LRTM2: variants seen among roughly 807,000 people sequenced by gnomAD.
LRTM2 encodes the protein leucine rich repeat transmembrane protein 2.
Under a neutral mutation model 28.1 loss-of-function variants are expected in LRTM2, and 18 were observed. The observed-to-expected ratio is 0.64, with a 90% confidence interval of 0.44 to 0.95. The LOEUF (loss-of-function observed/expected upper bound fraction) is 0.95, where lower values mean the gene tolerates loss of function less well. LRTM2 is among the 40% of genes least tolerant of loss of function. The pLI, the probability that LRTM2 is intolerant of heterozygous loss-of-function variation, is 0.00. For missense variants in LRTM2, 436 were observed against 497.2 expected (o/e 0.88, Z 1.17); for synonymous variants, 250 against 218.7 (o/e 1.14, Z -1.26).
At chr12:1,831,570 C>A in intron 4 of LRTM2, 45 bp downstream of exon 4, 3 of 1,483,982 alleles carry the variant, frequency 2.0e-6, no homozygotes, top group South Asian at 1.2e-5. Flanking sequence ...TTGGGACGAT[C>A]ACCTCTGGCC....
chr12:1,831,286 C>A lies in LRTM2; in HGVS notation c.419C>A (p.Pro140Gln). 3 of 1,613,716 alleles carry A rather than the reference C, an allele frequency of 1.9e-6. No homozygotes were observed. The highest frequency in any genetic ancestry group is 2.5e-6 in the Non-Finnish European group (3 of 1,180,028). The change falls in exon 4 of 5, where the codon CCG becomes CAG. Residue 140 changes from proline to glutamine, a missense_variant. Pro to Gln is a moderately conservative substitution (Grantham distance 76, BLOSUM62 -1). Coordinates refer to ENST00000299194, the MANE Select transcript of LRTM2 (RefSeq NM_001039029.3). ...TLDRDLLRHS[P>Q]LLRHLDLSIN... ...GACAGGGACCTGCTGCGGCACTCGC[C>A]GCTGCTCCGCCACCTGGACCTGTCC...
chr12:1,825,005 C>T (rs1864257988), intron 1 of LRTM2, among the ~76,000 whole-genome samples: 1 of 152,260 alleles, frequency 6.6e-6, no homozygotes, highest in Non-Finnish European at 1.5e-5. Flanking sequence ...TCCGCATGAA[C>T]CTGGGGGCCT....
chr12:1,821,160 C>T (rs1489742382), intron 1 of LRTM2, among the ~76,000 whole-genome samples: 2 of 152,116 alleles, frequency 1.3e-5, no homozygotes, highest in African/African-American at 4.8e-5. Flanking sequence ...CTTGTGCTGT[C>T]GTTGTGCCCG....
Position 1,828,646 on chromosome 12 carries a change from G to A in LRTM2, c.67+431G>A, listed in dbSNP as rs895977490. ...GGGAACTGCCCCCTTGGCTGGCCTC[G>A]GCCAGGAGCTGGGTCAGCTTGGAGA... On this transcript the variant is annotated intron_variant, in intron 3 of 4. Transcript: ENST00000299194. The surrounding 1 kb of genome is among the most constrained non-coding windows in gnomAD (Gnocchi z 4.2). Among the ~76,000 whole-genome samples the A allele has an allele frequency of 1.4e-4, 22 of 152,196 alleles. No homozygotes were observed. Among genetic ancestry groups the A allele is most frequent in the Admixed American group, 5.2e-4 (8 of 15,284 alleles).
chr12:1,834,222 G>A lies in LRTM2; in HGVS notation c.659-45G>A. 2.6e-6 allele frequency: 4 copies of A among 1,516,744 alleles called. No homozygotes were observed. Among genetic ancestry groups the A allele is most frequent in the East Asian group, 2.3e-5 (1 of 43,890 alleles). 94.0% of individuals were successfully genotyped at this position (1,516,744 alleles called of 1,614,324 possible). On this transcript the variant is annotated intron_variant, in intron 4 of 4. Coordinates refer to ENST00000299194, the MANE Select transcript of LRTM2 (RefSeq NM_001039029.3). This position sits in a 1 kb window ranked among gnomAD's most constrained non-coding sequence, Gnocchi z 7.6. ...CTGGGGATGGGGAGAGGGAGTGCAA[G>A]TTCTAGATGCCTGGTCAGCCCCTCT...
In LRTM2 at chr12:1,831,413, G is replaced by A; in HGVS notation, c.546G>A (p.Leu182=). 6.2e-7 allele frequency: 1 copy of A among 1,614,136 alleles called. No homozygotes were observed. Among genetic ancestry groups the A allele is most frequent in the Non-Finnish European group, 8.5e-7 (1 of 1,180,042 alleles). The change falls in exon 4 of 5, where the codon CTG becomes CTA. Residue 182 remains leucine, a synonymous_variant. Transcript: ENST00000299194. ...RSNRLQNLDR[L]TFEPLANLQL... ...ACCGTCTGCAGAATCTGGACCGGCT[G>A]ACATTTGAACCCCTAGCAAACCTGC...
chr12:1,833,111 G>C lies in LRTM2; in HGVS notation c.659-1156G>C, dbSNP rs868569594. Reference sequence around the variant, plus strand: ...AAAATGCATGCCATGAGAATGTGCAGTTTTCAGACTTTTTCAATAGCGGAG... The same window carrying C: ...AAAATGCATGCCATGAGAATGTGCACTTTTCAGACTTTTTCAATAGCGGAG... On this transcript the variant is annotated intron_variant, in intron 4 of 4. Coordinates refer to ENST00000299194, the MANE Select transcript of LRTM2 (RefSeq NM_001039029.3). This position sits in a 1 kb window ranked among gnomAD's most constrained non-coding sequence, Gnocchi z 4.2. Among the ~76,000 whole-genome samples the C allele has an allele frequency of 6.6e-6, 1 of 152,246 alleles. No individual in the cohort carries two copies. Among genetic ancestry groups the C allele is most frequent in the African/African-American group, 2.4e-5 (1 of 41,464 alleles).
Position 1,823,444 on chromosome 12 carries a change from C to T in LRTM2, c.-259+2630C>T, listed in dbSNP as rs114507479. 5.0e-3 allele frequency among the ~76,000 whole-genome samples: 762 copies of T among 152,178 alleles called. 7 individuals carry two copies. Among genetic ancestry groups the T allele is most frequent in the African/African-American group, 0.017 (710 of 41,500 alleles). Reference sequence around the variant, plus strand: ...CGGCTGTTCCGTGCTCTGAGGGGGCCGAGTGGGGTGCTAGCAGGGAGGCAG... The same window carrying T: ...CGGCTGTTCCGTGCTCTGAGGGGGCTGAGTGGGGTGCTAGCAGGGAGGCAG... On this transcript the variant is annotated intron_variant, in intron 1 of 4. Transcript: ENST00000299194.
chr12:1,831,071 A>C lies in LRTM2; in HGVS notation c.204A>C (p.Ala68=). Residue 68 remains alanine, a synonymous_variant, in exon 4 of 5, where the codon GCA becomes GCC. Transcript: ENST00000299194. ...GLTTVPPDVP[A]ATRTLLLLNN... is the part of the protein sequence containing the mutation. ...CCACGGTGCCCCCAGACGTGCCCGC[A>C]GCCACCCGAACCCTCTTGCTCTTGA... The C allele has an allele frequency of 6.2e-7, 1 of 1,614,014 alleles. No homozygotes were observed. Among genetic ancestry groups the C allele is most frequent in the South Asian group, 1.1e-5 (1 of 91,080 alleles).
Position 1,833,211 on chromosome 12 carries a change from C to T in LRTM2, c.659-1056C>T, listed in dbSNP as rs528024317. Reference sequence around the variant, plus strand: ...TCGGCATCCCAGGGAAAGATTGATGCCTATTGTATGAGGAGACTTGCGGCA... The same window carrying T: ...TCGGCATCCCAGGGAAAGATTGATGTCTATTGTATGAGGAGACTTGCGGCA... On this transcript the variant is annotated intron_variant, in intron 4 of 4. Coordinates refer to ENST00000299194, the MANE Select transcript of LRTM2 (RefSeq NM_001039029.3). The surrounding 1 kb of genome is among the most constrained non-coding windows in gnomAD (Gnocchi z 4.2). 1.3e-5 allele frequency among the ~76,000 whole-genome samples: 2 copies of T among 152,332 alleles called. No individual in the cohort carries two copies. The highest frequency in any genetic ancestry group is 4.8e-5 in the African/African-American group (2 of 41,560).
chr12:1,833,816 G>A lies in LRTM2; in HGVS notation c.659-451G>A, dbSNP rs994815818. ...AAGGATAAGATGCTGTGTTGAGAAC[G>A]GTATCCTGGGCTCACAGACAGGTGA... On this transcript the variant is annotated intron_variant, in intron 4 of 4. Coordinates refer to ENST00000299194, the MANE Select transcript of LRTM2 (RefSeq NM_001039029.3). The surrounding 1 kb of genome is among the most constrained non-coding windows in gnomAD (Gnocchi z 4.2). 6.6e-6 allele frequency among the ~76,000 whole-genome samples: 1 copy of A among 152,128 alleles called. No individual in the cohort carries two copies. Among genetic ancestry groups the A allele is most frequent in the Non-Finnish European group, 1.5e-5 (1 of 68,022 alleles).
chr12:1,834,563 G>T lies in LRTM2; in HGVS notation c.955G>T (p.Gly319Cys). ...GGTGATCATTGCAGGGGTCGTGTGC[G>T]GCGTCGTCTGCATCATGATGGTGGT... is the stretch of plus-strand genomic sequence containing the variant. ...GTVIIAGVVC[G>C]VVCIMMVVAA... Residue 319 changes from glycine (G) to cysteine (C), a missense_variant, in exon 5 of 5, where the codon GGC (glycine) becomes TGC (cysteine). Physicochemically the swap from Gly to Cys is radical, Grantham distance 159 (BLOSUM62 -3). Transcript: ENST00000299194. This position sits in a 1 kb window ranked among gnomAD's most constrained non-coding sequence, Gnocchi z 7.6. 1.2e-6 allele frequency: 2 copies of T among 1,601,956 alleles called. No homozygotes were observed. Among genetic ancestry groups the T allele is most frequent in the South Asian group, 2.2e-5 (2 of 91,082 alleles).
intron 1 of LRTM2, among the ~76,000 whole-genome samples, chr12:1,822,412 T>G (rs1864141658): frequency 6.6e-6 from 1 of 152,060 alleles, no homozygotes; most frequent in East Asian, 1.9e-4. Flanking sequence ...CTTCCTCCTT[T>G]TTCCCCCAGC....
In LRTM2 at chr12:1,834,788, C is replaced by T. The variant is rs1019264415; in HGVS notation, c.*67C>T. ...CACACGGCATTGCTCAGCCACAGCT[C>T]CCACCTTGACCCGGCGCTGGCCACT... On this transcript the variant is annotated 3_prime_UTR_variant, in exon 5 of 5. Transcript: ENST00000299194. This position sits in a 1 kb window ranked among gnomAD's most constrained non-coding sequence, Gnocchi z 7.6. 10 of 1,500,408 alleles carry T rather than the reference C, an allele frequency of 6.7e-6. No individual in the cohort carries two copies. The East Asian group carries it at 6.9e-5, about 10-fold the overall frequency. The allele number at this position is 1,500,408 out of a possible 1,614,324, so 92.9% of individuals were successfully genotyped here. A position where few individuals can be genotyped will look rare whatever the true frequency, so the allele number is the denominator to read the frequency against.
At chr12:1,821,746 G>A (rs12369395) in intron 1 of LRTM2, among the ~76,000 whole-genome samples, 60,812 of 152,038 alleles carry the variant, frequency 0.4, 13,561 homozygotes, top group East Asian at 0.62. Context: ...CTGGAGAGAG[G>A]AGCAGCCTGA....
rs1292069535 is a variant in LRTM2, at chr12:1,835,611, C to T, written c.*890C>T. ...AGTAACACCAGGATCCTTTGAGATC[C>T]TCTAAAGTGGGCCAAAGTGGTGCCC... On this transcript the variant is annotated 3_prime_UTR_variant, in exon 5 of 5. Transcript: ENST00000299194. The T allele has an allele frequency of 6.5e-6, 1 of 152,686 alleles. No homozygotes were observed. The highest frequency in any genetic ancestry group is 1.5e-5 in the Non-Finnish European group (1 of 68,074). 9.5% of individuals were successfully genotyped at this position (152,686 alleles called of 1,614,324 possible). A position where few individuals can be genotyped will look rare whatever the true frequency, so the allele number is the denominator to read the frequency against.
Position 1,820,749 on chromosome 12 carries a change from A to T in LRTM2, c.-324A>T, listed in dbSNP as rs2154446350. On this transcript the variant is annotated 5_prime_UTR_variant, in exon 1 of 5. Coordinates refer to ENST00000299194, the MANE Select transcript of LRTM2 (RefSeq NM_001039029.3). The surrounding 1 kb of genome is among the most constrained non-coding windows in gnomAD (Gnocchi z 6.0). ...GTGTCTGGATTTCTATAGGAATCCC[A>T]GGAGGGTCTTACTGGAGGGTTGAGA... 1 of 152,488 alleles carries T rather than the reference A, an allele frequency of 6.6e-6. No homozygotes were observed. Among genetic ancestry groups the T allele is most frequent in the East Asian group, 1.9e-4 (1 of 5,202 alleles). The allele number at this position is 152,488 out of a possible 1,614,324, so 9.4% of individuals were successfully genotyped here. A position where few individuals can be genotyped will look rare whatever the true frequency, so the allele number is the denominator to read the frequency against.
Position 1,833,043 on chromosome 12 carries a change from AC to A in LRTM2, c.659-1221del, listed in dbSNP as rs1281416049. ...GGGGAACTAGGCCGGGTGTCTTCAG[AC>A]CCTCCTCTCCTGTGGTCGCCGGGAA... On this transcript the variant is annotated intron_variant, in intron 4 of 4. Coordinates refer to ENST00000299194, the MANE Select transcript of LRTM2 (RefSeq NM_001039029.3). This position sits in a 1 kb window ranked among gnomAD's most constrained non-coding sequence, Gnocchi z 4.2. Among the ~76,000 whole-genome samples the A allele has an allele frequency of 6.6e-6, 1 of 151,054 alleles. No homozygotes were observed. The highest frequency in any genetic ancestry group is 1.5e-5 in the Non-Finnish European group (1 of 67,658).
In LRTM2 at chr12:1,833,514, C is replaced by T. The variant is rs1407185076; in HGVS notation, c.659-753C>T. Among the ~76,000 whole-genome samples, 2 of 152,194 alleles carry T rather than the reference C, an allele frequency of 1.3e-5. No homozygotes were observed. Among genetic ancestry groups the T allele is most frequent in the African/African-American group, 4.8e-5 (2 of 41,440 alleles). On this transcript the variant is annotated intron_variant, in intron 4 of 4. Coordinates refer to ENST00000299194, the MANE Select transcript of LRTM2 (RefSeq NM_001039029.3). This position sits in a 1 kb window ranked among gnomAD's most constrained non-coding sequence, Gnocchi z 4.2. ...CCCGTGCGCCCAGGTACCCACACCT[C>T]CTCATCAACACCAGCCTCCTCTCCT...
Sources: gnomAD v4.1 joint callset for allele counts (sites outside exome capture counted in the v4.1 genomes callset) on GRCh38, gnomAD v4.1.1 for gene constraint, Gnocchi (gnomAD v3.1) non-coding constraint, MANE v1.5 for transcripts, NCBI Gene and HGNC (gene_info 2026-07-23, HGNC 2026-07-21) for gene names.